Variants in PTCD1 observed in about 807,000 individuals in gnomAD.
The protein encoded by PTCD1 is pentatricopeptide repeat domain 1.
PTCD1 carries 50 observed loss-of-function variants against 53.4 expected under a neutral mutation model. That is an observed-to-expected ratio of 0.94 (90% CI 0.75 to 1.19). The LOEUF is 1.19. Among genes scored for constraint, PTCD1 ranks in the 50% most tolerant of loss-of-function variants. PTCD1 has a pLI of 0.00. For missense variants in PTCD1, 918 were observed against 904.8 expected (o/e 1.01, Z -0.19); for synonymous variants, 413 against 394.8 (o/e 1.05, Z -0.55).
At chr7:99,429,283 C>T in intron 4 of PTCD1, 79 bp from the exon 5 acceptor site, 1 of 1,547,320 alleles carries the variant, frequency 6.5e-7, no homozygotes, top group Admixed American at 1.7e-5. Flanking sequence ...AATCCTGGCA[C>T]ATTGGGAGGC....
Position 99,419,412 on chromosome 7 carries a change from CACTG to C in PTCD1, c.*551_*554del, listed in dbSNP as rs1009977755. 1 of 1,613,034 alleles carries C rather than the reference CACTG, an allele frequency of 6.2e-7. No homozygotes were observed. The highest frequency in any genetic ancestry group is 1.3e-5 in the African/African-American group (1 of 74,932). On this transcript the variant is annotated 3_prime_UTR_variant, in exon 8 of 8. Coordinates refer to ENST00000292478, the MANE Select transcript of PTCD1 (RefSeq NM_015545.4). The stretch of plus-strand genomic sequence containing the variant: ...GCAGGGCCGCATCATCGAGTGCACA[CACTG>C]TGGCTGTCGTGGCTGCTCTGGCTGA...
chr7:99,428,972 C>G, intron 5 of PTCD1, 131 bp downstream of exon 5: 65 of 1,137,864 alleles, frequency 5.7e-5, no homozygotes, highest in Non-Finnish European at 1.0e-5. Flanking sequence ...ACAGTGGCTG[C>G]TGGGTTTTCA....
chr7:99,432,607 C>T (rs1441760939), intron 3 of PTCD1, among the ~76,000 whole-genome samples: 1 of 152,194 alleles, frequency 6.6e-6, no homozygotes, highest in African/African-American at 2.4e-5. Flanking sequence ...CCTCCGTATG[C>T]GCAGGTCCTC....
At chr7:99,420,405 T>G (rs1411698629) in intron 7 of PTCD1, among the ~76,000 whole-genome samples, 1 of 152,188 alleles carries the variant, frequency 6.6e-6, no homozygotes, top group African/African-American at 2.4e-5. Context: ...GGCACCACTG[T>G]GCTCCTCCAT....
At chr7:99,423,448 A>G (rs747930956) in intron 7 of PTCD1, among the ~76,000 whole-genome samples, 11 of 152,198 alleles carry the variant, frequency 7.2e-5, no homozygotes, top group Admixed American at 2.6e-4. Context: ...CCACTTAAGC[A>G]GAGACCTCCA....
chr7:99,435,097 G>C lies in PTCD1; in HGVS notation c.146C>G (p.Ser49Cys). The C allele has an allele frequency of 6.2e-7, 1 of 1,608,184 alleles. No homozygotes were observed. ...MRPMWAPFSS[S>C]SSQLPLGQER... Reference sequence around the variant, plus strand: ...CTGGCCGAGGGGCAGCTGAGAGGAGGAGCTGCTGAAGGGCGCCCACATTGG... The same window carrying C: ...CTGGCCGAGGGGCAGCTGAGAGGAGCAGCTGCTGAAGGGCGCCCACATTGG... The change falls in exon 2 of 8, where the codon TCC (serine) becomes TGC (cysteine). Residue 49 changes from serine to cysteine, a missense_variant. By Grantham distance (112) the Ser-to-Cys change is moderately radical. Transcript: ENST00000292478.
At position 99,425,998 on chromosome 7, in the gene PTCD1, G is replaced by A. The variant is rs185613241; in HGVS notation, c.916-382C>T. Among the ~76,000 whole-genome samples the A allele has an allele frequency of 5.2e-3, 790 of 152,276 alleles. 7 individuals are homozygous for A. The highest frequency in any genetic ancestry group is 0.014 in the South Asian group (70 of 4,830). On this transcript the variant is annotated intron_variant, in intron 5 of 7. Transcript: ENST00000292478. ...GGAGAATCACTTGAACCCAGAGATC[G>A]AGGTTGCAGTGAGCCGTGATCATGC...
chr7:99,431,991 G>T (rs1206463552), intron 3 of PTCD1, among the ~76,000 whole-genome samples: 1 of 152,222 alleles, frequency 6.6e-6, no homozygotes, highest in Non-Finnish European at 1.5e-5. Flanking sequence ...AAGGCAGTAG[G>T]CTTGATAAAA....
At chr7:99,424,570 T>C (rs1795944137) in intron 6 of PTCD1, among the ~76,000 whole-genome samples, 1 of 152,108 alleles carries the variant, frequency 6.6e-6, no homozygotes, top group African/African-American at 2.4e-5. Flanking sequence ...TTCTTCCGGA[T>C]GGGAACATCC....
intron 2 of PTCD1, among the ~76,000 whole-genome samples, chr7:99,434,320 C>T (rs1290249983): frequency 7.9e-5 from 12 of 151,854 alleles, no homozygotes; most frequent in Admixed American, 2.0e-4. Context: ...GTGGCACATG[C>T]CTGTAATCCC....
chr7:99,421,122 C>T (rs892033730), intron 7 of PTCD1, among the ~76,000 whole-genome samples: 1 of 152,074 alleles, frequency 6.6e-6, no homozygotes, highest in Non-Finnish European at 1.5e-5. Flanking sequence ...CAGGGTTCCG[C>T]CCCCCAAAAA....
At position 99,434,953 on chromosome 7, in the gene PTCD1, G is replaced by C; in HGVS notation, c.290C>G (p.Ser97Cys). Residue 97 changes from serine to cysteine, a missense_variant, in exon 2 of 8, where the codon TCC becomes TGC. Transcript: ENST00000292478. The part of the protein sequence containing the change: ...ESFGTLSDKY[S>C]SRRLFRKSAA... ...GGATTTGCGGAATAGTCTCCGGGAG[G>C]AGTATTTGTCAGAGAGGGTCCCAAA... The C allele has an allele frequency of 6.2e-7, 1 of 1,614,228 alleles. No homozygotes were observed. The highest frequency in any genetic ancestry group is 2.2e-5 in the East Asian group (1 of 44,884).
Position 99,417,577 on chromosome 7 carries a change from C to T in PTCD1, c.*2390G>A, listed in dbSNP as rs148492381. ...GGACGAACTGCATCTGCCGCGTGCC[C>T]AAAAGCAAGCTGGAAGTGGTAATGT... is the stretch of plus-strand genomic sequence containing the variant. On this transcript the variant is annotated 3_prime_UTR_variant, in exon 8 of 8. Coordinates refer to ENST00000292478, the MANE Select transcript of PTCD1 (RefSeq NM_015545.4). The T allele has an allele frequency of 5.6e-6, 9 of 1,612,478 alleles. No individual in the cohort carries two copies. Among genetic ancestry groups the T allele is most frequent in the Admixed American group, 1.7e-5 (1 of 60,002 alleles).
Position 99,424,914 on chromosome 7 carries a change from TG to T in PTCD1, c.1617del (p.Lys540ArgfsTer39), listed in dbSNP as rs758378284. 19 of 1,614,140 alleles carry T rather than the reference TG, an allele frequency of 1.2e-5. No individual in the cohort carries two copies. The South Asian group carries it at 2.1e-4, about 18-fold the overall frequency. On this transcript the variant is annotated frameshift_variant, in exon 6 of 8. Transcript: ENST00000292478. LOFTEE classifies it high-confidence loss of function. ...TTTGCCAGGACCGGCAACAGCGCCTTGGCCCCCTCCAGGTCTCCCAGCTTGC... is the reference window on the plus strand; with the variant it reads ...TTTGCCAGGACCGGCAACAGCGCCTTGCCCCCTCCAGGTCTCCCAGCTTGC... ...KKSKLGDLEG[A>X]KALLPVLAKR...
Position 99,434,808 on chromosome 7 carries a change from G to T in PTCD1, c.435C>A (p.His145Gln). 6.2e-7 allele frequency: 1 copy of T among 1,614,100 alleles called. No individual in the cohort carries two copies. Among genetic ancestry groups the T allele is most frequent in the Non-Finnish European group, 8.5e-7 (1 of 1,180,030 alleles). Residue 145 changes from histidine to glutamine, a missense_variant, in exon 2 of 8, where the codon CAC (histidine) becomes CAA (glutamine). Coordinates refer to ENST00000292478, the MANE Select transcript of PTCD1 (RefSeq NM_015545.4). ...CCCTTACCTTCCCTTCCTTGATCAG[G>T]TGTTTGCACTGCAAGAAGTACCAGT... ...TPYWYFLQCK[H>Q]LIKEGKLVEA...
chr7:99,428,769 G>C (rs747816045), intron 5 of PTCD1, among the ~76,000 whole-genome samples: 1 of 152,016 alleles, frequency 6.6e-6, no homozygotes, highest in Non-Finnish European at 1.5e-5. Context: ...AATGACTCCT[G>C]GGTTGCACCT....
At chr7:99,420,215 C>G in intron 7 of PTCD1, 66 bp from the exon 8 acceptor site, 1 of 1,607,556 alleles carries the variant, frequency 6.2e-7, no homozygotes. Flanking sequence ...ACCTCGGCAG[C>G]TGGCTCAGGC....
chr7:99,424,053 C>T (rs1046510293), intron 6 of PTCD1, 96 bp from the exon 7 acceptor site: 9 of 1,526,990 alleles, frequency 5.9e-6, no homozygotes, highest in Admixed American at 3.9e-5. Context: ...CCGGGACCAG[C>T]GGCCAGGGCC....
chr7:99,425,698 T>C (rs1795987141), intron 5 of PTCD1, 82 bp from the exon 6 acceptor site: 6 of 1,520,066 alleles, frequency 3.9e-6, no homozygotes, highest in South Asian at 2.4e-5. Context: ...TCCCAGCACC[T>C]TGGGAGTTTT....
Sources: gnomAD v4.1 joint callset for allele counts (sites outside exome capture counted in the v4.1 genomes callset) on GRCh38, gnomAD v4.1.1 for gene constraint, MANE v1.5 for transcripts, NCBI Gene and HGNC (gene_info 2026-07-23, HGNC 2026-07-21) for gene names.